The following GOLGA3 variants were observed in gnomAD, a reference collection of about 807,000 sequenced individuals.
GOLGA3 encodes the protein golgin subfamily A member 3.
In GOLGA3, 75 loss-of-function variants were observed where a neutral mutation model predicts 169.4. The ratio of observed to expected loss-of-function variants is 0.44; its 90% CI spans 0.37 to 0.54. The LOEUF is 0.54. GOLGA3 is among the 20% of genes least tolerant of loss of function. GOLGA3 has a pLI of 0.00. For missense variants in GOLGA3, 1,899 were observed against 1,930.0 expected (o/e 0.98, Z 0.30); for synonymous variants, 824 against 822.4 (o/e 1.00, Z -0.03).
intron 21 of GOLGA3, among the ~76,000 whole-genome samples, chr12:132,776,050 G>A (rs570634628): frequency 6.6e-6 from 1 of 152,348 alleles, no homozygotes; most frequent in East Asian, 1.9e-4. Flanking sequence ...ACTGGACGAG[G>A]GCGCCAGCTC....
intron 21 of GOLGA3, among the ~76,000 whole-genome samples, chr12:132,776,138 T>TC (rs2045216899): frequency 2.3e-5 from 2 of 88,010 alleles, no homozygotes; most frequent in African/African-American, 3.2e-5. Flanking sequence ...CCCGCCTGTG[T>TC]CCAGCACCTC....
Position 132,774,311 on chromosome 12 carries a change from GCTC to G in GOLGA3, c.4150_4152del (p.Glu1384del), listed in dbSNP as rs575725574. 23 of 1,611,716 alleles carry G rather than the reference GCTC, an allele frequency of 1.4e-5. No individual in the cohort carries two copies. The highest frequency in any genetic ancestry group is 1.8e-5 in the Non-Finnish European group (21 of 1,180,018). On this transcript the variant is annotated inframe_deletion, in exon 23 of 24. Coordinates refer to ENST00000450791, the MANE Select transcript of GOLGA3 (RefSeq NM_001389683.1). The stretch of plus-strand genomic sequence containing the variant: ...TTGGAAGAGCTGGCCTCGCCTTTCG[GCTC>G]CTTTCTCTGTTTTTAAAAGCACATG...
intron 17 of GOLGA3, among the ~76,000 whole-genome samples, chr12:132,781,864 G>C (rs571916036): frequency 6.6e-6 from 1 of 152,142 alleles, no homozygotes; most frequent in Non-Finnish European, 1.5e-5. Flanking sequence ...CAATGTCACC[G>C]TCTGGGACTG....
chr12:132,827,722 A>G (rs987671372), intron 1 of GOLGA3: 4 of 152,144 alleles, frequency 2.6e-5, no homozygotes, highest in Admixed American at 6.5e-5. Flanking sequence ...GCCTGAAAAG[A>G]TATTAAAGGG....
At chr12:132,784,682 C>T (rs2045797971) in intron 15 of GOLGA3, among the ~76,000 whole-genome samples, 1 of 151,806 alleles carries the variant, frequency 6.6e-6, no homozygotes, top group South Asian at 2.1e-4. Context: ...ATGTAACACA[C>T]ACCACGTGCA....
intron 2 of GOLGA3, among the ~76,000 whole-genome samples, chr12:132,819,779 C>T (rs1226892930): frequency 6.6e-6 from 1 of 152,214 alleles, no homozygotes; most frequent in Non-Finnish European, 1.5e-5. Context: ...GTGGCTCACA[C>T]CTGTAATCCC....
chr12:132,810,196 C>T lies in GOLGA3; in HGVS notation c.520-1647G>A, dbSNP rs540138428. On this transcript the variant is annotated intron_variant, in intron 4 of 23. Transcript: ENST00000450791. ...CCAGGAGGTGGAGGTCGTAATAAGC[C>T]GAGATCATGCCACTGCACTCCAGCC... Among the ~76,000 whole-genome samples the T allele has an allele frequency of 1.4e-4, 22 of 152,084 alleles. 1 individual carries two copies. Among genetic ancestry groups the T allele is most frequent in the Non-Finnish European group, 2.8e-4 (19 of 68,028 alleles).
In GOLGA3 at chr12:132,787,926, C is replaced by CA. The variant is rs147957569; in HGVS notation, c.2811+1100_2811+1101insT. ...CCAGGACCCTTCCCTGGACCCCCCC[C>CA]GGATGCCCTCCTCAGGATCAACTGT... On this transcript the variant is annotated intron_variant, in intron 13 of 23. Coordinates refer to ENST00000450791, the MANE Select transcript of GOLGA3 (RefSeq NM_001389683.1). 1.1e-4 allele frequency among the ~76,000 whole-genome samples: 10 copies of CA among 91,050 alleles called. 3 individuals are homozygous for CA. The highest frequency in any genetic ancestry group is 2.3e-4 in the Non-Finnish European group (10 of 44,096). The allele number at this position is 91,050 out of a possible 152,430, so 59.7% of individuals were successfully genotyped here.
At position 132,777,935 on chromosome 12, in the gene GOLGA3, G is replaced by T; in HGVS notation, c.3583-130C>A. 1.0e-6 allele frequency: 1 copy of T among 974,022 alleles called. No individual in the cohort carries two copies. Among genetic ancestry groups the T allele is most frequent in the Non-Finnish European group, 1.5e-6 (1 of 671,026 alleles). 60.3% of individuals were successfully genotyped at this position (974,022 alleles called of 1,614,324 possible). A position where few individuals can be genotyped will look rare whatever the true frequency, so the allele number is the denominator to read the frequency against. On this transcript the variant is annotated intron_variant, in intron 18 of 23. Transcript: ENST00000450791. This position sits in a 1 kb window ranked among gnomAD's most constrained non-coding sequence, Gnocchi z 4.7. ...GGCTGCCGGCGTGTGCTTCTCCACA[G>T]GCCTGTCAAGTTCCTTGTAAAGATG... is the stretch of plus-strand genomic sequence containing the variant.
intron 4 of GOLGA3, 53 bp from the exon 5 acceptor site, chr12:132,808,602 A>T (rs3741488): frequency 0.42 from 586,036 of 1,397,638 alleles, 126,755 homozygotes; most frequent in East Asian, 0.63. Context: ...CAAGCAGCAT[A>T]CTTAAAACTG....
chr12:132,816,506 G>A (rs368599348), intron 3 of GOLGA3, 34 bp downstream of exon 3: 34 of 1,602,910 alleles, frequency 2.1e-5, no homozygotes, highest in Admixed American at 3.3e-5. Flanking sequence ...ACGCGGACGT[G>A]GAGGGTGGGA....
intron 12 of GOLGA3, among the ~76,000 whole-genome samples, chr12:132,790,361 G>A (rs925981954): frequency 2.0e-5 from 3 of 152,046 alleles, no homozygotes; most frequent in African/African-American, 7.2e-5. Flanking sequence ...AAATACAGCA[G>A]CGCTCACAAC....
At position 132,775,237 on chromosome 12, in the gene GOLGA3, G is replaced by C; in HGVS notation, c.4047C>G (p.Leu1349=). 1.2e-6 allele frequency: 2 copies of C among 1,614,006 alleles called. No individual in the cohort carries two copies. The highest frequency in any genetic ancestry group is 1.7e-6 in the Non-Finnish European group (2 of 1,179,834). ...LSMTQKDKFM[L]QAKVSELKNN... ...TCTTCAGCTCCGACACTTTTGCCTG[G>C]AGCATAAATTTATCCTTCTGGGTCA... The change falls in exon 22 of 24, where the codon CTC becomes CTG. Residue 1349 remains leucine, a synonymous_variant. Transcript: ENST00000450791.
At chr12:132,774,073 G>C in intron 23 of GOLGA3, 84 bp downstream of exon 23, 1 of 1,290,056 alleles carries the variant, frequency 7.8e-7, no homozygotes, top group Non-Finnish European at 1.1e-6. Flanking sequence ...TGGGCACTCA[G>C]TACTGGCACC....
intron 3 of GOLGA3, among the ~76,000 whole-genome samples, chr12:132,815,331 A>G (rs1949908856): frequency 6.6e-6 from 1 of 152,220 alleles, no homozygotes. Context: ...ACAGGTGACC[A>G]GGGGCATCCC....
chr12:132,806,323 A>G (rs2136585741), intron 6 of GOLGA3, among the ~76,000 whole-genome samples: 1 of 152,352 alleles, frequency 6.6e-6, no homozygotes, highest in African/African-American at 2.4e-5. Context: ...AGGAGGGGAA[A>G]TGCATCCGAC....
At chr12:132,827,334 G>T (rs1950464233) in intron 1 of GOLGA3, among the ~76,000 whole-genome samples, 1 of 152,234 alleles carries the variant, frequency 6.6e-6, no homozygotes, top group South Asian at 2.1e-4. Context: ...GCAGAGACGT[G>T]AAGGGCAGGC....
At chr12:132,791,050 CAAAAAAAAAAAAAAA>C (rs771719474) in intron 12 of GOLGA3, among the ~76,000 whole-genome samples, 151 bp downstream of exon 12, 51 of 52,650 alleles carry the variant, frequency 9.7e-4, no homozygotes, top group Admixed American at 3.5e-3. Flanking sequence ...GACTCCGTCT[CAAAAAAAAAAAAAAA>C]AAAAAAAAAA....
At chr12:132,805,090 G>T (rs1041830451) in intron 6 of GOLGA3, 68 bp from the exon 7 acceptor site, 1 of 1,515,156 alleles carries the variant, frequency 6.6e-7, no homozygotes, top group Non-Finnish European at 8.9e-7. Flanking sequence ...GTATTAACAG[G>T]AACACAACCA....
Sources: gnomAD v4.1 joint callset for allele counts (sites outside exome capture counted in the v4.1 genomes callset) on GRCh38, gnomAD v4.1.1 for gene constraint, Gnocchi (gnomAD v3.1) non-coding constraint, MANE v1.5 for transcripts, NCBI Gene and HGNC (gene_info 2026-07-23, HGNC 2026-07-21) for gene names.